The following PPEF2 variants were observed in gnomAD, a reference collection of about 807,000 sequenced individuals.
PPEF2 encodes serine/threonine-protein phosphatase with EF-hands 2.
PPEF2 carries 84 observed loss-of-function variants against 84.7 expected under a neutral mutation model. That is an observed-to-expected ratio of 0.99 (90% CI 0.83 to 1.19). The LOEUF is 1.19. Ranked by LOEUF, PPEF2 falls within the 50% of genes most tolerant of loss-of-function variation. The probability of loss-of-function intolerance (pLI) is 0.00; values close to 1 mark genes in which losing one functional copy is unlikely to be tolerated. For synonymous variants in PPEF2, 346 were observed against 345.2 expected (o/e 1.00, Z -0.03); for missense variants, 924 against 937.5 (o/e 0.99, Z 0.19).
intron 11 of PPEF2, among the ~76,000 whole-genome samples, chr4:75,875,065 C>T (rs1256669323): frequency 1.3e-5 from 2 of 152,024 alleles, no homozygotes; most frequent in African/African-American, 4.8e-5. Context: ...CCATGCCTGG[C>T]TAATTTTTTT....
intron 11 of PPEF2, among the ~76,000 whole-genome samples, chr4:75,873,973 A>G (rs919353670): frequency 6.6e-6 from 1 of 151,706 alleles, no homozygotes; most frequent in Non-Finnish European, 1.5e-5. Context: ...CCAGGCATGG[A>G]GGCACACACC....
chr4:75,890,240 A>G, intron 4 of PPEF2, 108 bp from the exon 5 acceptor site: 1 of 1,242,582 alleles, frequency 8.0e-7, no homozygotes, highest in South Asian at 1.5e-5. Context: ...AATCCCAGAA[A>G]TTTGCGGGGC....
intron 1 of PPEF2, among the ~76,000 whole-genome samples, chr4:75,897,769 T>G (rs746951745): frequency 3.3e-5 from 5 of 152,058 alleles, no homozygotes; most frequent in Non-Finnish European, 5.9e-5. Flanking sequence ...AGAGCAAGAC[T>G]CTGCCTAAAA....
intron 8 of PPEF2, among the ~76,000 whole-genome samples, chr4:75,883,812 C>T (rs1398626070): frequency 1.9e-4 from 19 of 101,868 alleles, no homozygotes; most frequent in Non-Finnish European, 2.5e-4. Context: ...AGCGAGACTC[C>T]GTCACAAAAA....
At chr4:75,884,896 A>G in intron 7 of PPEF2, 136 bp from the exon 8 acceptor site, 1 of 689,138 alleles carries the variant, frequency 1.5e-6, no homozygotes, top group East Asian at 2.7e-5. Context: ...CCAAGCCTGA[A>G]ATGTCAGTAA....
chr4:75,867,409 C>T lies in PPEF2; in HGVS notation c.1660G>A (p.Val554Met), dbSNP rs1418222910. The stretch of plus-strand genomic sequence containing the variant: ...AGAGCTCTCAGAGCCGACTCCTCCA[C>T]TCTGCTAATCCTGGGACAGGAGATG... ...TLTMRQRISR[V>M]EESALRALRE... Residue 554 changes from valine to methionine, a missense_variant, in exon 14 of 17, where the codon GTG becomes ATG. Val to Met is a conservative substitution (Grantham distance 21). Transcript: ENST00000286719. 6.2e-7 allele frequency: 1 copy of T among 1,612,990 alleles called. No homozygotes were observed. Among genetic ancestry groups the T allele is most frequent in the African/African-American group, 1.3e-5 (1 of 74,856 alleles).
At position 75,888,315 on chromosome 4, in the gene PPEF2, C is replaced by T. The variant is rs558687379; in HGVS notation, c.431G>A (p.Arg144His). The change falls in exon 6 of 17, where the codon CGC (arginine) becomes CAC (histidine). Residue 144 changes from arginine to histidine, a missense_variant. Coordinates refer to ENST00000286719, the MANE Select transcript of PPEF2 (RefSeq NM_006239.3). Reference protein sequence around the residue: ...AFRLKQQLHARYVLNLLYETK... With the variant: ...AFRLKQQLHAHYVLNLLYETK... The stretch of plus-strand genomic sequence containing the variant: ...TTCATACAAAAGGTTCAAGACGTAG[C>T]GAGCATGGAGCTGCTACTGGGAGGA... 3.8e-5 allele frequency: 62 copies of T among 1,613,228 alleles called. No homozygotes were observed. Among genetic ancestry groups the T allele is most frequent in the South Asian group, 1.1e-4 (10 of 91,060 alleles).
In PPEF2 at chr4:75,876,354, C is replaced by A. The variant is rs1276471534; in HGVS notation, c.1253G>T (p.Arg418Leu). Residue 418 changes from arginine (R) to leucine (L), a missense_variant, in exon 11 of 17, where the codon CGC becomes CTC. Arg to Leu is a moderately radical substitution (Grantham distance 102). Coordinates refer to ENST00000286719, the MANE Select transcript of PPEF2 (RefSeq NM_006239.3). ...TTCAGAGTCTGCTTCTGAGGCTGAGCGGGAGGGCTCCTCTTTCTCTCCGGT... is the reference window on the plus strand; with the variant it reads ...TTCAGAGTCTGCTTCTGAGGCTGAGAGGGAGGGCTCCTCTTTCTCTCCGGT... Reference protein sequence around the residue: ...LVTGEKEEPSRSASEADSEAG... With the variant: ...LVTGEKEEPSLSASEADSEAG... 2 of 1,613,936 alleles carry A rather than the reference C, an allele frequency of 1.2e-6. No homozygotes were observed. Among genetic ancestry groups the A allele is most frequent in the African/African-American group, 1.3e-5 (1 of 75,046 alleles).
In PPEF2 at chr4:75,876,444, C is replaced by G. The variant is rs140029551; in HGVS notation, c.1163G>C (p.Arg388Pro). ...SGSLDGRELS[R>P]QVRSSVELEL... ...CAGTTCCACGGAGCTCCGCACCTGC[C>G]GGGAGAGCTCCCGCCCGTCCAGGGA... is the stretch of plus-strand genomic sequence containing the variant. Residue 388 changes from arginine (R) to proline (P), a missense_variant, in exon 11 of 17, where the codon CGG (arginine) becomes CCG (proline). By Grantham distance (103) the Arg-to-Pro change is moderately radical. Transcript: ENST00000286719. 6.2e-7 allele frequency: 1 copy of G among 1,614,102 alleles called. No individual in the cohort carries two copies. Among genetic ancestry groups the G allele is most frequent in the Non-Finnish European group, 8.5e-7 (1 of 1,180,004 alleles).
chr4:75,876,726 A>G lies in PPEF2; in HGVS notation c.934-53T>C, dbSNP rs528661812. The G allele has an allele frequency of 3.3e-6, 5 of 1,496,574 alleles. No homozygotes were observed. In the East Asian group the frequency reaches 9.3e-5, roughly 28 times the overall value. 92.7% of individuals were successfully genotyped at this position (1,496,574 alleles called of 1,614,324 possible). A position where few individuals can be genotyped will look rare whatever the true frequency, so the allele number is the denominator to read the frequency against. On this transcript the variant is annotated intron_variant, in intron 10 of 16. Transcript: ENST00000286719. ...TGCTGGAATGAAACTGTAGGCCCAG[A>G]CAGGTGTGGTGGCCCACTCCTGTAA...
intron 10 of PPEF2, among the ~76,000 whole-genome samples, chr4:75,878,581 A>T (rs1030318401): frequency 5.3e-5 from 8 of 152,234 alleles, no homozygotes; most frequent in Non-Finnish European, 1.0e-4. Flanking sequence ...TTTGAAGGAC[A>T]GTCCAGAGTG....
chr4:75,880,818 T>TTCTG (rs34174332), intron 10 of PPEF2, among the ~76,000 whole-genome samples: 1 of 134,054 alleles, frequency 7.5e-6, no homozygotes, highest in Non-Finnish European at 1.7e-5. Flanking sequence ...TTTTTTTTTT[T>TTCTG]GAGACAGAGT....
intron 5 of PPEF2, 28 bp from the exon 6 acceptor site, chr4:75,888,356 G>A: frequency 6.6e-7 from 1 of 1,505,212 alleles, no homozygotes; most frequent in Non-Finnish European, 9.2e-7. Flanking sequence ...AGGGAAGGAA[G>A]AAAACAACAC....
rs542580630 is a variant in PPEF2 at position 75,899,374 on chromosome 4, C to A, written c.-59+2856G>T. 2.0e-5 allele frequency among the ~76,000 whole-genome samples: 3 copies of A among 152,238 alleles called. No individual in the cohort carries two copies. The South Asian group carries it at 6.2e-4, about 32-fold the overall frequency. ...ATTTTGCTTCCTTTGGATATACACC[C>A]AAAGTGTAGTGGGATTGCTGGATCA... is the stretch of plus-strand genomic sequence containing the variant. On this transcript the variant is annotated intron_variant, in intron 1 of 16. Coordinates refer to ENST00000286719, the MANE Select transcript of PPEF2 (RefSeq NM_006239.3).
At chr4:75,897,814 T>C (rs1455747103) in intron 1 of PPEF2, among the ~76,000 whole-genome samples, 1 of 151,990 alleles carries the variant, frequency 6.6e-6, no homozygotes, top group Non-Finnish European at 1.5e-5. Flanking sequence ...CCCAAAAGCC[T>C]CGTCTGCCGA....
intron 13 of PPEF2, among the ~76,000 whole-genome samples, chr4:75,870,589 T>C (rs944020305): frequency 5.3e-5 from 8 of 152,340 alleles, no homozygotes; most frequent in Admixed American, 5.2e-4. Context: ...TAGCATCTTA[T>C]ATACTCTGAG....
At position 75,876,537 on chromosome 4, in the gene PPEF2, G is replaced by A; in HGVS notation, c.1070C>T (p.Ser357Leu). Residue 357 changes from serine (S) to leucine (L), a missense_variant, in exon 11 of 17, where the codon TCG becomes TTG. Ser to Leu is a moderately radical substitution (Grantham distance 145, BLOSUM62 -2). Coordinates refer to ENST00000286719, the MANE Select transcript of PPEF2 (RefSeq NM_006239.3). ...CTTGTAGGAGCCAAGCCGAAGGGGC[G>A]AAGAGGGAAGAGAGCGGCTTTCGGG... ...FLPESRSLPSSPLRLGSYKAQ... is the reference protein window; with the variant it reads ...FLPESRSLPSLPLRLGSYKAQ... The A allele has an allele frequency of 6.2e-7, 1 of 1,614,118 alleles. No individual in the cohort carries two copies. Among genetic ancestry groups the A allele is most frequent in the Non-Finnish European group, 8.5e-7 (1 of 1,180,008 alleles).
In PPEF2 at chr4:75,883,845, C is replaced by A. The variant is rs1352323093; in HGVS notation, c.747-643G>T. Among the ~76,000 whole-genome samples the A allele has an allele frequency of 4.7e-4, 54 of 113,700 alleles. 3 individuals carry two copies. The highest frequency in any genetic ancestry group is 1.3e-3 in the African/African-American group (40 of 30,644). The allele number at this position is 113,700 out of a possible 152,430, so 74.6% of individuals were successfully genotyped here. A position where few individuals can be genotyped will look rare whatever the true frequency, so the allele number is the denominator to read the frequency against. The stretch of plus-strand genomic sequence containing the variant: ...AAAAAAAAAAAAAAAAAAAAAAAAT[C>A]TGGGCTGGACACGGTGGCTCATGCG... On this transcript the variant is annotated intron_variant, in intron 8 of 16. Transcript: ENST00000286719.
At chr4:75,870,878 C>CATTTATTTATTTATTTATTTATTT (rs33975459) in intron 13 of PPEF2, among the ~76,000 whole-genome samples, 38 of 146,668 alleles carry the variant, frequency 2.6e-4, no homozygotes, top group Middle Eastern at 3.5e-3. Context: ...CAAAAGCTAC[C>CATTTATTTATTTATTTATTTATTT]ATTTATTTAT....
Sources: gnomAD v4.1 joint callset for allele counts (sites outside exome capture counted in the v4.1 genomes callset) on GRCh38, gnomAD v4.1.1 for gene constraint, MANE v1.5 for transcripts, NCBI Gene and HGNC (gene_info 2026-07-23, HGNC 2026-07-21) for gene names.